ESPNL: variants seen among roughly 807,000 people sequenced by gnomAD.
ESPNL encodes espin like.
ESPNL carries 49 observed loss-of-function variants against 46.8 expected under a neutral mutation model. The observed-to-expected ratio is 1.05, with a 90% CI of 0.83 to 1.33. The LOEUF is 1.33. ESPNL is among the 40% of genes most tolerant of loss of function. The pLI is 0.00. For synonymous variants in ESPNL, 664 were observed against 662.1 expected, an observed-to-expected ratio of 1.00 and a Z score of -0.04; for missense variants, 1,540 against 1,436.6, an observed-to-expected ratio of 1.07 and a Z score of -1.16.
chr2:238,107,938 C>G lies in ESPNL; in HGVS notation c.820C>G (p.Pro274Ala). Residue 274 changes from proline to alanine, a missense_variant, in exon 4 of 9, where the codon CCC (proline) becomes GCC (alanine). Coordinates refer to ENST00000343063, the MANE Select transcript of ESPNL (RefSeq NM_194312.4). ...PILRDSWGGTPLHDAAENGQM... is the reference protein window; with the variant it reads ...PILRDSWGGTALHDAAENGQM... Reference sequence around the variant, plus strand: ...CCTGAGAGACTCCTGGGGTGGGACCCCCCTCCACGACGCAGCAGAGAACGG... The same window carrying G: ...CCTGAGAGACTCCTGGGGTGGGACCGCCCTCCACGACGCAGCAGAGAACGG... The G allele has an allele frequency of 2.5e-6, 4 of 1,612,598 alleles. No homozygotes were observed. The highest frequency in any genetic ancestry group is 3.4e-6 in the Non-Finnish European group (4 of 1,179,710).
At position 238,107,809 on chromosome 2, in the gene ESPNL, G is replaced by C. The variant is rs539358547; in HGVS notation, c.691G>C (p.Gly231Arg). The change falls in exon 4 of 9, where the codon GGA (glycine) becomes CGA (arginine). Residue 231 changes from glycine (G) to arginine (R), a missense_variant. By Grantham distance (125) the Gly-to-Arg change is moderately radical (BLOSUM62 -2). Coordinates refer to ENST00000343063, the MANE Select transcript of ESPNL (RefSeq NM_194312.4). ...TCCCCAGGTCACATTCACCGACATCGGACTCACGGCACGGGACAATGAGGG... is the reference window on the plus strand; with the variant it reads ...TCCCCAGGTCACATTCACCGACATCCGACTCACGGCACGGGACAATGAGGG... ...VVWLVTFTDI[G>R]LTARDNEGAT... is the part of the protein sequence containing the mutation. 1.3e-6 allele frequency: 2 copies of C among 1,598,408 alleles called. No homozygotes were observed. The highest frequency in any genetic ancestry group is 2.3e-5 in the East Asian group (1 of 44,110).
chr2:238,104,779 C>G lies in ESPNL; in HGVS notation c.609C>G (p.Leu203=), dbSNP rs372283957. Residue 203 remains leucine, a synonymous_variant, in exon 3 of 9, where the codon CTC becomes CTG. Transcript: ENST00000343063. Reference sequence around the variant, plus strand: ...GCGCTGACGTGCACCTTCGTGCTCTCGATGGCATGAGCGCCCTGCACGCTG... The same window carrying G: ...GCGCTGACGTGCACCTTCGTGCTCTGGATGGCATGAGCGCCCTGCACGCTG... ...DCGADVHLRA[L]DGMSALHAAA... is the part of the protein sequence containing the mutation. 6.3e-7 allele frequency: 1 copy of G among 1,596,338 alleles called. No homozygotes were observed. The highest frequency in any genetic ancestry group is 8.5e-7 in the Non-Finnish European group (1 of 1,173,428).
At position 238,125,307 on chromosome 2, in the gene ESPNL, C is replaced by T. The variant is rs751763204; in HGVS notation, c.1025C>T (p.Pro342Leu). 4 of 1,564,320 alleles carry T rather than the reference C, an allele frequency of 2.6e-6. No individual in the cohort carries two copies. The highest frequency in any genetic ancestry group is 2.4e-5 in the South Asian group (2 of 83,912). Residue 342 changes from proline (P) to leucine (L), a missense_variant, in exon 6 of 9, where the codon CCC becomes CTC. Coordinates refer to ENST00000343063, the MANE Select transcript of ESPNL (RefSeq NM_194312.4). ...LLMTPPPPPFPPPPLLATRRS... is the reference protein window; with the variant it reads ...LLMTPPPPPFLPPPLLATRRS... ...ATGACGCCCCCACCACCACCGTTCCCCCCACCTCCACTGTTGGCCACGAGG... is the reference window on the plus strand; with the variant it reads ...ATGACGCCCCCACCACCACCGTTCCTCCCACCTCCACTGTTGGCCACGAGG...
chr2:238,117,158 G>A (rs974180032), intron 5 of ESPNL, 124 bp downstream of exon 5: 4 of 1,317,748 alleles, frequency 3.0e-6, no homozygotes, highest in Non-Finnish European at 3.1e-6. Flanking sequence ...ACTCATACAT[G>A]GCATTGGAGC....
intron 5 of ESPNL, among the ~76,000 whole-genome samples, chr2:238,121,847 C>T (rs1691994216): frequency 6.6e-6 from 1 of 152,172 alleles, no homozygotes; most frequent in African/African-American, 2.4e-5. Context: ...AAACTGAGGC[C>T]CAGAGAAGGT....
intron 4 of ESPNL, among the ~76,000 whole-genome samples, chr2:238,111,130 T>A (rs915689236): frequency 6.6e-6 from 1 of 152,048 alleles, no homozygotes; most frequent in African/African-American, 2.4e-5. Context: ...TTTCACCATG[T>A]TGGCCAGGCT....
Position 238,130,466 on chromosome 2 carries a change from C to A in ESPNL, c.1752C>A (p.Pro584=). 6.2e-7 allele frequency: 1 copy of A among 1,600,244 alleles called. No individual in the cohort carries two copies. The highest frequency in any genetic ancestry group is 2.3e-5 in the East Asian group (1 of 44,292). ...CTGCGGAGGCCTCAGAGGTGGCCCC[C>A]GGGGTGCAGCCCCTGCCCTTCTGGT... is the stretch of plus-strand genomic sequence containing the variant. ...AGSAEASEVA[P]GVQPLPFWCS... is the part of the protein sequence containing the mutation. Residue 584 remains proline, a synonymous_variant, in exon 9 of 9, where the codon CCC becomes CCA. Coordinates refer to ENST00000343063, the MANE Select transcript of ESPNL (RefSeq NM_194312.4).
In ESPNL at chr2:238,116,901, A is replaced by G; in HGVS notation, c.856-2A>G. On this transcript the variant is annotated splice_acceptor_variant, in intron 4 of 8. Transcript: ENST00000343063. LOFTEE classifies it high-confidence loss of function. ...GTCACATGTGTGCCCTCCTCACTGC[A>G]GTGCTGCCAGACCCTAGTCTCCCAC... 6.2e-7 allele frequency: 1 copy of G among 1,612,274 alleles called. No homozygotes were observed. Among genetic ancestry groups the G allele is most frequent in the Non-Finnish European group, 8.5e-7 (1 of 1,179,602 alleles).
Position 238,101,980 on chromosome 2 carries a change from G to T in ESPNL, c.334G>T (p.Ala112Ser), listed in dbSNP as rs769412092. 7 of 1,610,102 alleles carry T rather than the reference G, an allele frequency of 4.3e-6. No individual in the cohort carries two copies. In the Admixed American group the frequency reaches 5.0e-5, roughly 12 times the overall value. ...ASGVSPLHLA[A>S]RFGHPVLVEW... ...GGGCGTCTCCCCGCTGCACCTGGCC[G>T]CCCGTTTTGGACACCCAGTGCTGGT... is the stretch of plus-strand genomic sequence containing the variant. The change falls in exon 2 of 9, where the codon GCC (alanine) becomes TCC (serine). Residue 112 changes from alanine to serine, a missense_variant. Coordinates refer to ENST00000343063, the MANE Select transcript of ESPNL (RefSeq NM_194312.4).
In ESPNL at chr2:238,114,930, C is replaced by A. The variant is rs534721156; in HGVS notation, c.856-1973C>A. On this transcript the variant is annotated intron_variant, in intron 4 of 8. Coordinates refer to ENST00000343063, the MANE Select transcript of ESPNL (RefSeq NM_194312.4). The surrounding 1 kb of genome is among the most constrained non-coding windows in gnomAD (Gnocchi z 5.0). ...GCTGCTTACTCTCTGGAGGGCAGCA[C>A]GGCACCCAGGAAGGCAGGCAGTGCG... Among the ~76,000 whole-genome samples the A allele has an allele frequency of 6.6e-6, 1 of 152,330 alleles. No individual in the cohort carries two copies. Among genetic ancestry groups the A allele is most frequent in the East Asian group, 1.9e-4 (1 of 5,174 alleles).
intron 3 of ESPNL, among the ~76,000 whole-genome samples, chr2:238,106,594 C>A (rs1169246602): frequency 2.6e-5 from 4 of 152,250 alleles, no homozygotes; most frequent in African/African-American, 9.6e-5. Flanking sequence ...CCTGGCCATC[C>A]TCCCTTTGCC....
Position 238,123,540 on chromosome 2 carries a change from G to A in ESPNL, c.988-1730G>A, listed in dbSNP as rs149902438. Among the ~76,000 whole-genome samples the A allele has an allele frequency of 3.7e-3, 567 of 152,200 alleles. 2 individuals are homozygous for A. Among genetic ancestry groups the A allele is most frequent in the African/African-American group, 0.012 (502 of 41,526 alleles). On this transcript the variant is annotated intron_variant, in intron 5 of 8. Transcript: ENST00000343063. ...CCATCTCCCAGAGCATCCCCTCCCC[G>A]GCCCCTGCTCTGTGGACAGTTAAAG...
chr2:238,110,892 G>A (rs950547259), intron 4 of ESPNL, among the ~76,000 whole-genome samples: 4 of 151,868 alleles, frequency 2.6e-5, no homozygotes, highest in Non-Finnish European at 5.9e-5. Context: ...AGCCTCTAAA[G>A]AGGAATGATG....
At chr2:238,118,750 G>GA (rs1361048203) in intron 5 of ESPNL, among the ~76,000 whole-genome samples, 3 of 94,168 alleles carry the variant, frequency 3.2e-5, no homozygotes, top group African/African-American at 1.1e-4. Flanking sequence ...GTTGCAGGAG[G>GA]ATGGATGGAG....
At chr2:238,113,935 C>G (rs148991034) in intron 4 of ESPNL, among the ~76,000 whole-genome samples, 4 of 152,212 alleles carry the variant, frequency 2.6e-5, no homozygotes, top group East Asian at 1.9e-4. Flanking sequence ...CCTCACCCCC[C>G]AGGCTTTCCT....
rs529464168 is a variant in ESPNL at position 238,100,378 on chromosome 2, C to G, written c.-42C>G. 6.5e-7 allele frequency: 1 copy of G among 1,545,508 alleles called. No homozygotes were observed. The highest frequency in any genetic ancestry group is 2.0e-5 in the Admixed American group (1 of 49,120). ...TCATCCACGTCTGAAACAGGAAGCCCCAGCCTGTGCATGAGTCGCCACTGA... is the reference window on the plus strand; with the variant it reads ...TCATCCACGTCTGAAACAGGAAGCCGCAGCCTGTGCATGAGTCGCCACTGA... On this transcript the variant is annotated 5_prime_UTR_variant, in exon 1 of 9. Coordinates refer to ENST00000343063, the MANE Select transcript of ESPNL (RefSeq NM_194312.4).
In ESPNL at chr2:238,102,184, G is replaced by C. The variant is rs1377071568; in HGVS notation, c.485+53G>C. On this transcript the variant is annotated intron_variant, in intron 2 of 8. Transcript: ENST00000343063. ...GGGCAGCCTGGGGCGAGCTGGCCAA[G>C]GGGAGGCTGCACCATGGAGGGCCAA... 7 of 1,448,710 alleles carry C rather than the reference G, an allele frequency of 4.8e-6. No homozygotes were observed. The South Asian group carries it at 8.2e-5, about 17-fold the overall frequency. The allele number at this position is 1,448,710 out of a possible 1,614,324, so 89.7% of individuals were successfully genotyped here. A position where few individuals can be genotyped will look rare whatever the true frequency, so the allele number is the denominator to read the frequency against.
Position 238,131,921 on chromosome 2 carries a change from T to C in ESPNL, c.*189T>C. On this transcript the variant is annotated 3_prime_UTR_variant, in exon 9 of 9. Transcript: ENST00000343063. The stretch of plus-strand genomic sequence containing the variant: ...TCCTCCGAGCTGGGACTCAGACTCC[T>C]TCTCACCACTGCACCCAGGAAGCCC... 1 of 635,494 alleles carries C rather than the reference T, an allele frequency of 1.6e-6. No homozygotes were observed. Among genetic ancestry groups the C allele is most frequent in the Non-Finnish European group, 2.6e-6 (1 of 381,034 alleles). The allele number at this position is 635,494 out of a possible 1,614,324, so 39.4% of individuals were successfully genotyped here.
chr2:238,127,638 G>A lies in ESPNL; in HGVS notation c.1119G>A (p.Pro373=), dbSNP rs750609071. ...PGNPSPMSLS[P]AWPGHPDQPL... ...TCTTGGCAGCCATGTCCCTCAGCCCGGCCTGGCCTGGCCATCCTGACCAGC... is the reference window on the plus strand; with the variant it reads ...TCTTGGCAGCCATGTCCCTCAGCCCAGCCTGGCCTGGCCATCCTGACCAGC... The change falls in exon 7 of 9, where the codon CCG becomes CCA. Residue 373 remains proline (P), a synonymous_variant. Coordinates refer to ENST00000343063, the MANE Select transcript of ESPNL (RefSeq NM_194312.4). The A allele has an allele frequency of 3.1e-6, 5 of 1,607,694 alleles. No individual in the cohort carries two copies. The highest frequency in any genetic ancestry group is 1.3e-5 in the African/African-American group (1 of 74,786).
Sources: gnomAD v4.1 joint callset for allele counts (sites outside exome capture counted in the v4.1 genomes callset) on GRCh38, gnomAD v4.1.1 for gene constraint, Gnocchi (gnomAD v3.1) non-coding constraint, MANE v1.5 for transcripts, NCBI Gene and HGNC (gene_info 2026-07-23, HGNC 2026-07-21) for gene names.